ANK2: variants seen among roughly 807,000 people sequenced by gnomAD.
The protein encoded by ANK2 is ankyrin 2.
A neutral mutation model predicts 360.5 loss-of-function variants in ANK2; 83 were observed. That is an observed-to-expected ratio of 0.23 (90% CI 0.19 to 0.28). The LOEUF is 0.28. Among genes scored for constraint, ANK2 ranks in the 10% least tolerant of loss-of-function variants. The pLI is 1.00. For missense variants in ANK2, 4,201 were observed against 4,795.7 expected (o/e 0.88, Z 3.66); for synonymous variants, 1,740 against 1,759.5 (o/e 0.99, Z 0.28).
At chr4:112,762,473 C>G in the ANK2 span, among the ~76,000 whole-genome samples, 14 of 151,958 alleles carry the variant, frequency 9.2e-5, no homozygotes, top group Non-Finnish European at 1.9e-4. Context: ...AAATATTAAT[C>G]AAAAAAAGTA....
Position 113,318,555 on chromosome 4 carries a change from T to C in ANK2, c.2835T>C (p.Tyr945=). 2 of 1,613,898 alleles carry C rather than the reference T, an allele frequency of 1.2e-6. No individual in the cohort carries two copies. Among genetic ancestry groups the C allele is most frequent in the Non-Finnish European group, 1.7e-6 (2 of 1,179,850 alleles). The change falls in exon 26 of 46, where the codon TAT becomes TAC. Residue 945 remains tyrosine, a synonymous_variant. Transcript: ENST00000357077. ...TLAKEAERNS[Y]RLSWGTENLD... ...CCAAGGAGGCAGAAAGGAATTCTTATCGCCTAAGCTGGGGCACTGAGAACT... is the reference window on the plus strand; with the variant it reads ...CCAAGGAGGCAGAAAGGAATTCTTACCGCCTAAGCTGGGGCACTGAGAACT...
chr4:113,139,036 T>C (rs916670863), intron 1 of ANK2, among the ~76,000 whole-genome samples: 19 of 152,220 alleles, frequency 1.2e-4, no homozygotes, highest in Non-Finnish European at 2.8e-4. Context: ...TGATTATAAA[T>C]GATCATTAGT....
At chr4:112,873,996 A>G (rs1386358033) in intron 1 of ANK2, among the ~76,000 whole-genome samples, 1 of 151,810 alleles carries the variant, frequency 6.6e-6, no homozygotes, top group African/African-American at 2.4e-5. Context: ...ATAAATAAAC[A>G]TTTGAGAAAG....
At chr4:112,986,764 G>A (rs116020350) in intron 2 of ANK2, among the ~76,000 whole-genome samples, 1 of 152,178 alleles carries the variant, frequency 6.6e-6, no homozygotes, top group Non-Finnish European at 1.5e-5. Context: ...TAGAGAAATA[G>A]CATAATAGGT....
chr4:113,182,240 C>G (rs1304249921), intron 2 of ANK2, among the ~76,000 whole-genome samples: 1 of 152,084 alleles, frequency 6.6e-6, no homozygotes, highest in Non-Finnish European at 1.5e-5. Flanking sequence ...ATGGGGAAGA[C>G]TGTGTGAGGA....
At chr4:113,006,868 G>A (rs1381601923) in intron 2 of ANK2, among the ~76,000 whole-genome samples, 1 of 150,970 alleles carries the variant, frequency 6.6e-6, no homozygotes, top group Non-Finnish European at 1.5e-5. Flanking sequence ...CAAACATGTA[G>A]GACTTTGTCA....
intron 4 of ANK2, among the ~76,000 whole-genome samples, chr4:113,215,607 A>G (rs2099076935): frequency 6.6e-6 from 1 of 152,152 alleles, no homozygotes; most frequent in Non-Finnish European, 1.5e-5. Context: ...CCTTGGTATA[A>G]CATAGTTTTG....
chr4:113,082,590 C>T (rs2082857258), intron 1 of ANK2, among the ~76,000 whole-genome samples: 1 of 152,126 alleles, frequency 6.6e-6, no homozygotes, highest in South Asian at 2.1e-4. Context: ...TTATAATGCA[C>T]AATTTTACCT....
At chr4:113,264,377 T>A (rs1429306009) in intron 13 of ANK2, among the ~76,000 whole-genome samples, 1 of 152,176 alleles carries the variant, frequency 6.6e-6, no homozygotes, top group East Asian at 1.9e-4. Flanking sequence ...AATGACAGAT[T>A]TTTAGGTTTT....
At chr4:112,867,392 TG>T (rs997546136) in intron 1 of ANK2, among the ~76,000 whole-genome samples, 2 of 151,682 alleles carry the variant, frequency 1.3e-5, no homozygotes, top group Non-Finnish European at 2.9e-5. Context: ...GTATAGGTTT[TG>T]TTTTTTTTAA....
At chr4:112,872,932 T>C (rs1273316967) in intron 1 of ANK2, among the ~76,000 whole-genome samples, 2 of 152,166 alleles carry the variant, frequency 1.3e-5, no homozygotes, top group African/African-American at 2.4e-5. Context: ...CTATTTCTTC[T>C]TTTATTATTT....
chr4:112,939,745 G>A (rs1229175716), intron 2 of ANK2, among the ~76,000 whole-genome samples: 1 of 152,112 alleles, frequency 6.6e-6, no homozygotes, highest in Non-Finnish European at 1.5e-5. Context: ...GCTACCCAAT[G>A]CCCTTCCTGG....
chr4:112,825,798 T>A (rs1386518471), intron 1 of ANK2, among the ~76,000 whole-genome samples: 5 of 152,198 alleles, frequency 3.3e-5, no homozygotes, highest in Admixed American at 1.3e-4. Flanking sequence ...TGGAAAAGTA[T>A]GATTGGACAA....
At chr4:113,033,145 G>T (rs12504906) in intron 2 of ANK2, among the ~76,000 whole-genome samples, 7,158 of 152,016 alleles carry the variant, frequency 0.047, 220 homozygotes, top group Admixed American at 0.079. Flanking sequence ...GATAAATAGG[G>T]ACCAAGGAAT....
intron 1 of ANK2, among the ~76,000 whole-genome samples, chr4:113,171,574 C>G (rs966168730): frequency 6.6e-6 from 1 of 152,158 alleles, no homozygotes; most frequent in Non-Finnish European, 1.5e-5. Flanking sequence ...AAGAATTCAA[C>G]TTACCCAAAA....
the ANK2 span, among the ~76,000 whole-genome samples, chr4:112,710,825 C>T: frequency 1.3e-5 from 2 of 150,948 alleles, no homozygotes; most frequent in South Asian, 4.2e-4. Context: ...ACTGGGAGCT[C>T]CTCAATTATT....
the ANK2 span, among the ~76,000 whole-genome samples, chr4:112,722,181 C>G: frequency 6.6e-6 from 1 of 152,134 alleles, no homozygotes; most frequent in South Asian, 2.1e-4. Context: ...TGCAATTTAT[C>G]TTGTGTTTGT....
At chr4:113,041,140 A>T (rs1049177015) in intron 2 of ANK2, among the ~76,000 whole-genome samples, 3 of 152,052 alleles carry the variant, frequency 2.0e-5, no homozygotes, top group African/African-American at 7.2e-5. Context: ...CCCATTCAAT[A>T]ACTCTTTATA....
At chr4:112,878,190 G>A (rs2075705174) in intron 1 of ANK2, among the ~76,000 whole-genome samples, 1 of 64,736 alleles carries the variant, frequency 1.5e-5, no homozygotes. Flanking sequence ...ATCTCCTTTT[G>A]CCTCTGAGAA....
Sources: allele counts gnomAD v4.1 joint callset (sites outside exome capture counted in the v4.1 genomes callset), GRCh38; gene constraint gnomAD v4.1.1; transcripts MANE v1.5; gene names NCBI Gene and HGNC (gene_info 2026-07-23, HGNC 2026-07-21).